Variants in IGSF10 observed in about 807,000 individuals in gnomAD.
The protein encoded by IGSF10 is calvaria mechanical force protein 608.
IGSF10 carries 126 observed loss-of-function variants against 128.2 expected under a neutral mutation model. The ratio of observed to expected loss-of-function variants is 0.98; its 90% confidence interval spans 0.85 to 1.14. The LOEUF is 1.14. IGSF10 is among the 50% of genes most tolerant of loss of function. IGSF10 has a pLI of 0.00. For missense variants in IGSF10, 3,295 were observed against 3,149.8 expected (o/e 1.05, Z -1.10); for synonymous variants, 1,185 against 1,146.2 (o/e 1.03, Z -0.68).
chr3:151,489,046 A>G, the IGSF10 span, among the ~76,000 whole-genome samples: 1 of 152,340 alleles, frequency 6.6e-6, no homozygotes, highest in South Asian at 2.1e-4. Flanking sequence ...CAACCTACAT[A>G]ATGGGAGAAA....
At chr3:151,488,700 C>T in the IGSF10 span, among the ~76,000 whole-genome samples, 1 of 152,148 alleles carries the variant, frequency 6.6e-6, no homozygotes, top group East Asian at 1.9e-4. Context: ...CTTTGACAAA[C>T]CTGACAAAAA....
At position 151,449,072 on chromosome 3, in the gene IGSF10, G is replaced by T. The variant is rs764261425; in HGVS notation, c.909C>A (p.Phe303Leu). ...LTILEDSSSA[F>L]ISPQGFMAPF... ...GTGCCATGAAACCTTGGGGAGAGAT[G>T]AAAGCAGAACTACTGTCTTCCAGAA... Residue 303 changes from phenylalanine (F) to leucine (L), a missense_variant, in exon 6 of 8, where the codon TTC becomes TTA. By Grantham distance (22) the Phe-to-Leu change is conservative (BLOSUM62 0). Transcript: ENST00000282466. 3.1e-6 allele frequency: 5 copies of T among 1,614,192 alleles called. No homozygotes were observed. In the Admixed American group the frequency reaches 8.3e-5, roughly 27 times the overall value.
chr3:151,435,419 T>TAACA (rs558137445), downstream of IGSF10: 31 of 152,288 alleles, frequency 2.0e-4, no homozygotes, highest in East Asian at 3.9e-4. Flanking sequence ...CACAGGGTAC[T>TAACA]AACATCAGAC....
the IGSF10 span, among the ~76,000 whole-genome samples, chr3:151,514,942 G>C: frequency 6.6e-6 from 1 of 152,136 alleles, no homozygotes; most frequent in Non-Finnish European, 1.5e-5. Flanking sequence ...CAGTTAGAAT[G>C]GCGATCATTA....
At position 151,437,370 on chromosome 3, in the gene IGSF10, GAT is replaced by G; in HGVS notation, c.7189_7190del (p.Ile2397HisfsTer3). ...QYLIASNGSF[I>X]ISKTTREDAG... ...CATCCTCCCGAGTTGTTTTAGAAAT[GAT>G]AAAAGAACCATTGCTTGCTATCAGA... is the stretch of plus-strand genomic sequence containing the variant. On this transcript the variant is annotated frameshift_variant, in exon 8 of 8. Transcript: ENST00000282466. LOFTEE classifies it low-confidence loss of function (END_TRUNC). 2 of 1,614,186 alleles carry G rather than the reference GAT, an allele frequency of 1.2e-6. No homozygotes were observed. Among genetic ancestry groups the G allele is most frequent in the Non-Finnish European group, 1.7e-6 (2 of 1,180,020 alleles).
the IGSF10 span, among the ~76,000 whole-genome samples, chr3:151,551,582 G>C: frequency 6.6e-6 from 1 of 151,140 alleles, no homozygotes; most frequent in Admixed American, 6.6e-5. Context: ...TTGAGGAAAG[G>C]TTAATCAGAT....
chr3:151,447,992 CTT>C lies in IGSF10; in HGVS notation c.1987_1988del (p.Lys663AspfsTer10). 1 of 1,614,176 alleles carries C rather than the reference CTT, an allele frequency of 6.2e-7. No homozygotes were observed. The highest frequency in any genetic ancestry group is 8.5e-7 in the Non-Finnish European group (1 of 1,180,030). ...GCTCCAAGGGCCTTTGTCCTTTCAT[CTT>C]GACTGAAACTTGGAAAATCAAAAAA... ...VDFLIFQVSVKMKGQRPLEHD... is the reference protein window; with the variant it reads ...VDFLIFQVSVXMKGQRPLEHD... On this transcript the variant is annotated frameshift_variant, in exon 6 of 8. Transcript: ENST00000282466. LOFTEE classifies it high-confidence loss of function.
chr3:151,459,631 G>A (rs1287093039), intron 2 of IGSF10, among the ~76,000 whole-genome samples: 2 of 152,086 alleles, frequency 1.3e-5, no homozygotes, highest in Admixed American at 6.5e-5. Context: ...CACAGGAGGT[G>A]GGGAGCATAA....
chr3:151,453,998 T>C (rs946633112), intron 4 of IGSF10, among the ~76,000 whole-genome samples: 9 of 147,962 alleles, frequency 6.1e-5, no homozygotes, highest in African/African-American at 1.3e-4. Flanking sequence ...ATGAGATATA[T>C]ATATTTCTTT....
chr3:151,449,319 C>T (rs1721398829), intron 5 of IGSF10, 54 bp from the exon 6 acceptor site: 2 of 1,440,368 alleles, frequency 1.4e-6, no homozygotes, highest in Admixed American at 4.8e-5. Flanking sequence ...TGAATTGACA[C>T]AAACATTTTG....
At chr3:151,588,860 G>T in the IGSF10 span, among the ~76,000 whole-genome samples, 3 of 152,296 alleles carry the variant, frequency 2.0e-5, no homozygotes, top group Non-Finnish European at 2.9e-5. Flanking sequence ...AATAGGGAGT[G>T]CCAGGGCTTG....
the IGSF10 span, among the ~76,000 whole-genome samples, chr3:151,578,632 A>T: frequency 6.6e-6 from 1 of 152,222 alleles, no homozygotes; most frequent in South Asian, 2.1e-4. Flanking sequence ...GAGTAACAGC[A>T]ATGGGAGATA....
chr3:151,490,104 T>A, the IGSF10 span, among the ~76,000 whole-genome samples: 86 of 152,312 alleles, frequency 5.6e-4, no homozygotes, highest in African/African-American at 2.0e-3. Flanking sequence ...GCTGAATGAA[T>A]TTTTAAAAAC....
chr3:151,523,271 C>T, the IGSF10 span, among the ~76,000 whole-genome samples: 2 of 152,112 alleles, frequency 1.3e-5, no homozygotes, highest in South Asian at 4.1e-4. Context: ...AATGCTATTC[C>T]TATCAAACTA....
the IGSF10 span, among the ~76,000 whole-genome samples, chr3:151,593,829 AC>A: frequency 6.6e-6 from 1 of 152,162 alleles, no homozygotes; most frequent in Non-Finnish European, 1.5e-5. Context: ...GACTAAGAAA[AC>A]CTTTTTTTAA....
Position 151,443,071 on chromosome 3 carries a change from A to C in IGSF10, c.5876T>G (p.Leu1959Ter). ...CCCAGTGGCTGAGCAGTTCAGTAGTAATTTGTCCCCAAAATTCACTTCAGT... is the reference window on the plus strand; with the variant it reads ...CCCAGTGGCTGAGCAGTTCAGTAGTCATTTGTCCCCAAAATTCACTTCAGT... ...KRTEVNFGDK[L>*]LLNCSATGEP... The change falls in exon 7 of 8, where the codon TTA (leucine) becomes TGA (stop). Residue 1959 changes from leucine (L) to a stop codon, truncating the protein, a stop_gained. Coordinates refer to ENST00000282466, the MANE Select transcript of IGSF10 (RefSeq NM_178822.5). LOFTEE classifies it high-confidence loss of function. 1 of 1,614,202 alleles carries C rather than the reference A, an allele frequency of 6.2e-7. No homozygotes were observed. Among genetic ancestry groups the C allele is most frequent in the South Asian group, 1.1e-5 (1 of 91,086 alleles).
chr3:151,524,448 TA>T, the IGSF10 span, among the ~76,000 whole-genome samples: 1 of 152,242 alleles, frequency 6.6e-6, no homozygotes, highest in South Asian at 2.1e-4. Flanking sequence ...TATGCAGCCA[TA>T]AAAAAGAATA....
At chr3:151,519,954 T>C in the IGSF10 span, among the ~76,000 whole-genome samples, 2 of 151,876 alleles carry the variant, frequency 1.3e-5, no homozygotes, top group African/African-American at 4.8e-5. Context: ...CATATTGAAA[T>C]AATACCTGAA....
the IGSF10 span, among the ~76,000 whole-genome samples, chr3:151,556,814 C>T: frequency 6.6e-6 from 1 of 152,066 alleles, no homozygotes; most frequent in African/African-American, 2.4e-5. Context: ...TCATAGAAGT[C>T]ATGTTTTATT....
Sources: gnomAD v4.1 joint callset for allele counts (sites outside exome capture counted in the v4.1 genomes callset) on GRCh38, gnomAD v4.1.1 for gene constraint, MANE v1.5 for transcripts, NCBI Gene and HGNC (gene_info 2026-07-23, HGNC 2026-07-21) for gene names.